EFCAB13: variants seen among roughly 807,000 people sequenced by gnomAD.
EFCAB13 encodes the protein EF-hand calcium binding domain 13.
Under a neutral mutation model 110.2 loss-of-function variants are expected in EFCAB13, and 91 were observed. The observed-to-expected ratio is 0.83, with a 90% confidence interval of 0.70 to 0.98. EFCAB13 has a LOEUF of 0.98. EFCAB13 is among the 50% of genes least tolerant of loss of function. The probability of loss-of-function intolerance (pLI) is 0.00; values close to 1 mark genes in which losing one functional copy is unlikely to be tolerated. For synonymous variants in EFCAB13, 323 were observed against 369.9 expected (o/e 0.87, Z 1.45); for missense variants, 968 against 1,119.4 (o/e 0.86, Z 1.93).
Position 47,431,465 on chromosome 17 carries a change from G to T in EFCAB13, c.2638+1504G>T, listed in dbSNP as rs1905115025. On this transcript the variant is annotated intron_variant, in intron 24 of 24. Transcript: ENST00000331493. The surrounding 1 kb of genome is among the most constrained non-coding windows in gnomAD (Gnocchi z 4.1). Reference sequence around the variant, plus strand: ...CATTTAACTACATCCTACAAGTTTTGATATATAGTATTTTAATTATTGTTC... The same window carrying T: ...CATTTAACTACATCCTACAAGTTTTTATATATAGTATTTTAATTATTGTTC... 6.6e-6 allele frequency among the ~76,000 whole-genome samples: 1 copy of T among 151,044 alleles called. No individual in the cohort carries two copies. The highest frequency in any genetic ancestry group is 1.5e-5 in the Non-Finnish European group (1 of 67,794).
intron 5 of EFCAB13, among the ~76,000 whole-genome samples, chr17:47,339,699 C>CAAAA (rs60578114): frequency 0.076 from 5,822 of 77,000 alleles, 182 homozygotes; most frequent in East Asian, 0.2. Flanking sequence ...GACTCCATCT[C>CAAAA]AAAAAAAAAA....
intron 11 of EFCAB13, among the ~76,000 whole-genome samples, chr17:47,372,136 G>T (rs973380980): frequency 6.6e-6 from 1 of 151,878 alleles, no homozygotes; most frequent in African/African-American, 2.4e-5. Flanking sequence ...TTTGTTAATT[G>T]TTTTCTGCTT....
At chr17:47,436,740 T>C (rs1905222394) in intron 24 of EFCAB13, among the ~76,000 whole-genome samples, 1 of 152,072 alleles carries the variant, frequency 6.6e-6, no homozygotes, top group Non-Finnish European at 1.5e-5. Flanking sequence ...TTCATTTATC[T>C]TTTGTATTTT....
At chr17:47,370,322 G>T in intron 10 of EFCAB13, 115 bp from the exon 11 acceptor site, 1 of 729,696 alleles carries the variant, frequency 1.4e-6, no homozygotes, top group East Asian at 2.7e-5. Flanking sequence ...CTTTGTAATA[G>T]TTGGCTCTTT....
chr17:47,389,280 C>G (rs1226829602), intron 14 of EFCAB13, among the ~76,000 whole-genome samples: 2 of 152,152 alleles, frequency 1.3e-5, no homozygotes, highest in African/African-American at 4.8e-5. Flanking sequence ...TCAAGCAATT[C>G]CCCGCTTGGC....
chr17:47,403,901 G>A lies in EFCAB13; in HGVS notation c.2041G>A (p.Ala681Thr). The A allele has an allele frequency of 1.2e-6, 2 of 1,608,078 alleles. No homozygotes were observed. The highest frequency in any genetic ancestry group is 1.7e-6 in the Non-Finnish European group (2 of 1,177,422). ...AGAGTTACAGGAAGTTGTCTTAGCTGCTGATTTGCTGGAAGGTGACATGAT... is the reference window on the plus strand; with the variant it reads ...AGAGTTACAGGAAGTTGTCTTAGCTACTGATTTGCTGGAAGGTGACATGAT... Reference protein sequence around the residue: ...LEELQEVVLAADLLEGDMIAG... With the variant: ...LEELQEVVLATDLLEGDMIAG... The change falls in exon 19 of 25, where the codon GCT becomes ACT. Residue 681 changes from alanine (A) to threonine (T), a missense_variant. Physicochemically the swap from Ala to Thr is moderately conservative, Grantham distance 58. Coordinates refer to ENST00000331493, the MANE Select transcript of EFCAB13 (RefSeq NM_152347.5).
At chr17:47,351,706 T>C (rs1476087064) in intron 9 of EFCAB13, among the ~76,000 whole-genome samples, 1 of 152,128 alleles carries the variant, frequency 6.6e-6, no homozygotes, top group East Asian at 1.9e-4. Flanking sequence ...GATGCATAGT[T>C]TGCAAATATT....
chr17:47,420,146 C>T (rs1267077250), intron 23 of EFCAB13, among the ~76,000 whole-genome samples: 1 of 152,228 alleles, frequency 6.6e-6, no homozygotes, highest in South Asian at 2.1e-4. Context: ...GACGGGGTTT[C>T]GCTGTGTTGG....
At chr17:47,427,926 A>T (rs1247770309) in intron 23 of EFCAB13, among the ~76,000 whole-genome samples, 3 of 149,264 alleles carry the variant, frequency 2.0e-5, no homozygotes, top group African/African-American at 7.7e-5. Context: ...GTTTAGAAAT[A>T]AAAAAAATGT....
intron 13 of EFCAB13, among the ~76,000 whole-genome samples, 177 bp downstream of exon 13, chr17:47,378,080 A>G (rs892539037): frequency 5.9e-5 from 9 of 152,222 alleles, no homozygotes; most frequent in African/African-American, 9.6e-5. Flanking sequence ...TTAAGTTCTG[A>G]CCAAATGGAT....
At chr17:47,396,671 G>A (rs1303365061) in intron 17 of EFCAB13, among the ~76,000 whole-genome samples, 1 of 152,128 alleles carries the variant, frequency 6.6e-6, no homozygotes, top group Non-Finnish European at 1.5e-5. Flanking sequence ...ACACGAGCAT[G>A]CTGTCAGGGG....
intron 11 of EFCAB13, among the ~76,000 whole-genome samples, chr17:47,370,738 G>GTTTTTTTT (rs764924546): frequency 4.7e-5 from 6 of 127,202 alleles, no homozygotes; most frequent in East Asian, 2.4e-4. Context: ...GTTGTTGTTT[G>GTTTTTTTT]TTTTTTTTTT....
chr17:47,416,548 A>G (rs1904452866), intron 23 of EFCAB13, among the ~76,000 whole-genome samples: 2 of 152,102 alleles, frequency 1.3e-5, no homozygotes, highest in African/African-American at 4.8e-5. Flanking sequence ...TGAGGATAGT[A>G]TGCAATAGTT....
At chr17:47,335,471 C>T in intron 5 of EFCAB13, 115 bp downstream of exon 5, 1 of 794,234 alleles carries the variant, frequency 1.3e-6, no homozygotes, top group Non-Finnish European at 1.8e-6. Flanking sequence ...TAGGATCATG[C>T]ATATTTGTGG....
intron 14 of EFCAB13, among the ~76,000 whole-genome samples, chr17:47,383,227 C>T (rs1456195645): frequency 2.0e-5 from 3 of 152,116 alleles, no homozygotes; most frequent in Admixed American, 6.5e-5. Context: ...TTTCAAAAAA[C>T]CAGCTTCCAG....
At chr17:47,390,910 G>GTCTTATCTA (rs1436843247) in intron 14 of EFCAB13, among the ~76,000 whole-genome samples, 124 of 106,626 alleles carry the variant, frequency 1.2e-3, no homozygotes, top group African/African-American at 4.0e-3. Flanking sequence ...ATGTGTGTCT[G>GTCTTATCTA]TCTGTCTATC....
At chr17:47,414,130 C>T (rs1189196709) in intron 22 of EFCAB13, among the ~76,000 whole-genome samples, 1 of 152,150 alleles carries the variant, frequency 6.6e-6, no homozygotes, top group Non-Finnish European at 1.5e-5. Flanking sequence ...GGTTTCTGTG[C>T]TACCCAGGTC....
In EFCAB13 at chr17:47,402,186, A is replaced by T. The variant is rs1195961260; in HGVS notation, c.2000A>T (p.Asp667Val). ...GCAAAAGTAGTAAGGAATATGCGTG[A>T]TGCTGCCAGGTTAGAAGGTAAGTAC... ...EFAKVVRNMR[D>V]AARLEELQEV... is the part of the protein sequence containing the mutation. Residue 667 changes from aspartate (D) to valine (V), a missense_variant, in exon 18 of 25, where the codon GAT becomes GTT. Physicochemically the swap from Asp to Val is radical, Grantham distance 152. Transcript: ENST00000331493. The T allele has an allele frequency of 1.2e-6, 2 of 1,613,618 alleles. No individual in the cohort carries two copies. The highest frequency in any genetic ancestry group is 2.2e-5 in the East Asian group (1 of 44,826).
At chr17:47,393,178 G>A (rs772248177) in intron 15 of EFCAB13, among the ~76,000 whole-genome samples, 8 of 152,024 alleles carry the variant, frequency 5.3e-5, no homozygotes, top group African/African-American at 7.3e-5. Flanking sequence ...CTGAGTAGCC[G>A]GGACTAAAGG....
Sources: gnomAD v4.1 joint callset for allele counts (sites outside exome capture counted in the v4.1 genomes callset) on GRCh38, gnomAD v4.1.1 for gene constraint, Gnocchi (gnomAD v3.1) non-coding constraint, MANE v1.5 for transcripts, NCBI Gene and HGNC (gene_info 2026-07-23, HGNC 2026-07-21) for gene names.